The following DPYD variants were observed in gnomAD, a reference collection of about 807,000 sequenced individuals.
The protein encoded by DPYD is dihydropyrimidine dehydrogenase, also known as dihydropyrimidine dehydrogenase [NADP(+)].
In DPYD, 109 loss-of-function variants were observed where a neutral mutation model predicts 116.2. That is an observed-to-expected ratio of 0.94 (90% CI 0.80 to 1.10). The LOEUF (loss-of-function observed/expected upper bound fraction) is 1.10. DPYD is among the 50% of genes least tolerant of loss of function. The pLI is 0.00. For missense variants in DPYD, 1,302 were observed against 1,254.5 expected (o/e 1.04, Z -0.57); for synonymous variants, 440 against 432.0 (o/e 1.02, Z -0.23).
chr1:97,747,201 AAACAGT>A (rs1158922257), intron 3 of DPYD, among the ~76,000 whole-genome samples: 1 of 152,194 alleles, frequency 6.6e-6, no homozygotes, highest in Non-Finnish European at 1.5e-5. Context: ...AATAATACAG[AAACAGT>A]AACAGTAAAG....
chr1:97,429,214 T>C (rs1235060746), intron 14 of DPYD, among the ~76,000 whole-genome samples: 1 of 152,080 alleles, frequency 6.6e-6, no homozygotes, highest in Non-Finnish European at 1.5e-5. Flanking sequence ...TGAAGAATTA[T>C]CATTTGTTTT....
At chr1:97,314,492 T>TTC (rs1234615763) in intron 16 of DPYD, among the ~76,000 whole-genome samples, 6 of 66,794 alleles carry the variant, frequency 9.0e-5, no homozygotes, top group Admixed American at 2.0e-4. Flanking sequence ...AAAGCTTTCT[T>TTC]TTTTTTTTTT....
At chr1:97,734,650 T>TA (rs925891476) in intron 4 of DPYD, among the ~76,000 whole-genome samples, 2 of 152,180 alleles carry the variant, frequency 1.3e-5, no homozygotes, top group African/African-American at 4.8e-5. Context: ...AATTAGAAAT[T>TA]AAAATTATAG....
intron 9 of DPYD, among the ~76,000 whole-genome samples, chr1:97,594,721 C>T (rs1654756459): frequency 6.6e-6 from 1 of 151,516 alleles, no homozygotes; most frequent in Non-Finnish European, 1.5e-5. Context: ...AGATACAAAT[C>T]ATATAAGATA....
In DPYD at chr1:97,434,742, C is replaced by T. The variant is rs944179152; in HGVS notation, c.1905+15317G>A. The stretch of plus-strand genomic sequence containing the variant: ...TTTAAAAAACAATCTTTTTATTGTG[C>T]GTAAGTATATATGCATAGTTTTATT... On this transcript the variant is annotated intron_variant, in intron 14 of 22. Coordinates refer to ENST00000370192, the MANE Select transcript of DPYD (RefSeq NM_000110.4). 9.9e-5 allele frequency among the ~76,000 whole-genome samples: 15 copies of T among 151,998 alleles called. No individual in the cohort carries two copies. The South Asian group carries it at 1.0e-3, about 10-fold the overall frequency.
At chr1:97,195,818 A>G (rs1484109071) in intron 19 of DPYD, among the ~76,000 whole-genome samples, 1 of 150,694 alleles carries the variant, frequency 6.6e-6, no homozygotes, top group Non-Finnish European at 1.5e-5. Context: ...AGGGACACCG[A>G]GCAGAAGAGA....
intron 3 of DPYD, among the ~76,000 whole-genome samples, chr1:97,793,911 T>C (rs1242503668): frequency 1.3e-5 from 2 of 152,064 alleles, no homozygotes; most frequent in Non-Finnish European, 2.9e-5. Flanking sequence ...AAACACCTGG[T>C]TGTTGTGTTT....
At chr1:97,717,293 G>C (rs1481274243) in intron 5 of DPYD, among the ~76,000 whole-genome samples, 1 of 151,940 alleles carries the variant, frequency 6.6e-6, no homozygotes, top group Non-Finnish European at 1.5e-5. Context: ...AACCTGCTGA[G>C]AGACAAAAAG....
intron 13 of DPYD, among the ~76,000 whole-genome samples, chr1:97,464,174 G>C (rs1677174087): frequency 6.6e-6 from 1 of 151,820 alleles, no homozygotes; most frequent in Non-Finnish European, 1.5e-5. Flanking sequence ...GGGAGGCGGA[G>C]GTTGCAGTGA....
chr1:97,868,745 C>T (rs1018354792), intron 2 of DPYD, among the ~76,000 whole-genome samples: 2 of 151,708 alleles, frequency 1.3e-5, no homozygotes, highest in African/African-American at 2.4e-5. Flanking sequence ...TGAGTCAGAG[C>T]TGATTATATT....
intron 20 of DPYD, among the ~76,000 whole-genome samples, chr1:97,174,392 A>T (rs900296491): frequency 5.9e-5 from 9 of 152,178 alleles, no homozygotes; most frequent in African/African-American, 2.2e-4. Flanking sequence ...CCACTCCTCA[A>T]GGAGCAGATG....
At chr1:97,248,676 A>G (rs1200893345) in intron 18 of DPYD, among the ~76,000 whole-genome samples, 2 of 152,212 alleles carry the variant, frequency 1.3e-5, no homozygotes, top group African/African-American at 2.4e-5. Flanking sequence ...GAGAACTGTA[A>G]GCAAAACAAG....
intron 20 of DPYD, among the ~76,000 whole-genome samples, chr1:97,143,568 TACAG>T (rs1419743917): frequency 2.0e-5 from 3 of 152,126 alleles, no homozygotes; most frequent in African/African-American, 7.2e-5. Flanking sequence ...CCCTTCTACC[TACAG>T]ACTCAGTGTC....
intron 8 of DPYD, among the ~76,000 whole-genome samples, chr1:97,643,253 C>T (rs1266215621): frequency 5.3e-5 from 8 of 152,044 alleles, no homozygotes; most frequent in Admixed American, 4.6e-4. Flanking sequence ...AAGCAAACAA[C>T]CCCATCAAAA....
At chr1:97,581,781 G>A (rs1437734005) in intron 10 of DPYD, among the ~76,000 whole-genome samples, 3 of 150,674 alleles carry the variant, frequency 2.0e-5, no homozygotes, top group Non-Finnish European at 3.0e-5. Flanking sequence ...AGGACAGCAT[G>A]GAAAAGGTGC....
chr1:97,509,878 T>C (rs2101957719), intron 13 of DPYD, among the ~76,000 whole-genome samples: 1 of 152,012 alleles, frequency 6.6e-6, no homozygotes, highest in East Asian at 1.9e-4. Context: ...AAGAAATCTG[T>C]TTAAAAAGAA....
intron 8 of DPYD, among the ~76,000 whole-genome samples, chr1:97,621,883 A>G (rs1038475305): frequency 6.6e-6 from 1 of 152,070 alleles, no homozygotes; most frequent in Non-Finnish European, 1.5e-5. Flanking sequence ...GGGACACAGG[A>G]GTAAACTAAA....
At chr1:97,573,223 C>A (rs1425012050) in intron 11 of DPYD, among the ~76,000 whole-genome samples, 1 of 151,960 alleles carries the variant, frequency 6.6e-6, no homozygotes, top group Admixed American at 6.6e-5. Context: ...CTCTCATTAT[C>A]TTTTTAAAAA....
intron 4 of DPYD, 105 bp downstream of exon 4, chr1:97,740,287 G>T: frequency 1.1e-6 from 1 of 906,178 alleles, no homozygotes; most frequent in Non-Finnish European, 1.8e-6. Context: ...CATATTTAAT[G>T]GTTTAACTGG....
Sources: gnomAD v4.1 joint callset for allele counts (sites outside exome capture counted in the v4.1 genomes callset) on GRCh38, gnomAD v4.1.1 for gene constraint, MANE v1.5 for transcripts, NCBI Gene and HGNC (gene_info 2026-07-23, HGNC 2026-07-21) for gene names.